The following HERC3 variants were observed in gnomAD, a reference collection of about 807,000 sequenced individuals.
The protein encoded by HERC3 is probable E3 ubiquitin-protein ligase HERC3.
A neutral mutation model predicts 129.9 loss-of-function variants in HERC3; 58 were observed. The observed-to-expected ratio is 0.45, with a 90% confidence interval of 0.36 to 0.56. HERC3 has a LOEUF of 0.56. Ranked by LOEUF, HERC3 falls within the 20% of genes least tolerant of loss-of-function variation. The pLI is 0.00. For synonymous variants in HERC3, 430 were observed against 451.0 expected (o/e 0.95, Z 0.59); for missense variants, 835 against 1,244.2 (o/e 0.67, Z 4.95).
intron 23 of HERC3, chr4:88,693,501 A>AT (rs1734282731): frequency 1.0e-6 from 1 of 975,202 alleles, no homozygotes; most frequent in Non-Finnish European, 1.2e-6. Flanking sequence ...GTATTGATCT[A>AT]TTTTACTGCT....
Position 88,667,901 on chromosome 4 carries a change from A to G in HERC3, c.1453A>G (p.Ser485Gly). 6.2e-7 allele frequency: 1 copy of G among 1,609,686 alleles called. No individual in the cohort carries two copies. The highest frequency in any genetic ancestry group is 8.5e-7 in the Non-Finnish European group (1 of 1,177,776). Reference sequence around the variant, plus strand: ...CTTTTCCCTCATACAGATTTTGAACAGTTTTGAAAGTTGTCTGATTCCCCA... The same window carrying G: ...CTTTTCCCTCATACAGATTTTGAACGGTTTTGAAAGTTGTCTGATTCCCCA... ...HSMILEQILN[S>G]FESCLIPQLS... The change falls in exon 14 of 26, where the codon AGT becomes GGT. Residue 485 changes from serine to glycine, a missense_variant. Physicochemically the swap from Ser to Gly is moderately conservative, Grantham distance 56 (BLOSUM62 0). Transcript: ENST00000402738.
intron 2 of HERC3, among the ~76,000 whole-genome samples, chr4:88,599,815 C>G (rs1722786610): frequency 1.3e-5 from 2 of 152,112 alleles, no homozygotes; most frequent in Admixed American, 6.5e-5. Flanking sequence ...TCTGATCCAC[C>G]CATCCACTTT....
chr4:88,676,154 T>C lies in HERC3; in HGVS notation c.1912-64T>C, dbSNP rs1732141155. 3 of 1,201,682 alleles carry C rather than the reference T, an allele frequency of 2.5e-6. No individual in the cohort carries two copies. In the African/African-American group the frequency reaches 4.6e-5, roughly 18 times the overall value. 74.4% of individuals were successfully genotyped at this position (1,201,682 alleles called of 1,614,324 possible). On this transcript the variant is annotated intron_variant, in intron 16 of 25. Transcript: ENST00000402738. ...GTGTTTTGTTATTTATATTTTACTT[T>C]TGGAGGGATTAAAATTCAGGGTTTA... is the stretch of plus-strand genomic sequence containing the variant.
intron 3 of HERC3, among the ~76,000 whole-genome samples, chr4:88,621,528 GA>G: frequency 6.6e-6 from 1 of 152,100 alleles, no homozygotes; most frequent in Non-Finnish European, 1.5e-5. Context: ...CTATTTTATA[GA>G]ATTATTTTCC....
rs1419201173 is a variant in HERC3, at chr4:88,636,356, G to A, written c.227-13484G>A. Among the ~76,000 whole-genome samples the A allele has an allele frequency of 3.3e-5, 5 of 152,178 alleles. No homozygotes were observed. In the South Asian group the frequency reaches 1.0e-3, roughly 32 times the overall value. ...AGCAGGGGTTGCAATCCTAGTCTCT[G>A]ACAGAACAGACTTTAAACCAACCAA... On this transcript the variant is annotated intron_variant, in intron 3 of 25. Coordinates refer to ENST00000402738, the MANE Select transcript of HERC3 (RefSeq NM_014606.3).
intron 11 of HERC3, among the ~76,000 whole-genome samples, chr4:88,663,853 G>A (rs566049092): frequency 1.3e-5 from 2 of 152,222 alleles, no homozygotes; most frequent in African/African-American, 2.4e-5. Flanking sequence ...TTTAGATAGG[G>A]CACTTCTTAG....
At chr4:88,643,202 G>GA (rs1252614170) in intron 3 of HERC3, among the ~76,000 whole-genome samples, 1 of 152,140 alleles carries the variant, frequency 6.6e-6, no homozygotes, top group African/African-American at 2.4e-5. Context: ...TTTATATGCT[G>GA]AAAACTACAA....
intron 23 of HERC3, among the ~76,000 whole-genome samples, chr4:88,702,969 G>T (rs1417124415): frequency 2.2e-4 from 33 of 152,186 alleles, no homozygotes; most frequent in Non-Finnish European, 2.9e-5. Context: ...CCTCTTATCT[G>T]CAATAAGCAG....
chr4:88,527,889 G>A, the HERC3 span: 1 of 286,940 alleles, frequency 3.5e-6, no homozygotes, highest in Non-Finnish European at 7.0e-6. Flanking sequence ...ATTACCACTG[G>A]GACAACAGCA....
chr4:88,647,766 T>C (rs1728852131), intron 3 of HERC3, among the ~76,000 whole-genome samples: 1 of 152,052 alleles, frequency 6.6e-6, no homozygotes, highest in African/African-American at 2.4e-5. Flanking sequence ...GCCTCACCTG[T>C]CCTTATCTTG....
At chr4:88,650,969 TAAGAGGAC>T (rs1729211235) in intron 4 of HERC3, among the ~76,000 whole-genome samples, 1 of 152,206 alleles carries the variant, frequency 6.6e-6, no homozygotes, top group Non-Finnish European at 1.5e-5. Context: ...TTGTGTTAAA[TAAGAGGAC>T]CATGGAGGTA....
the HERC3 span, among the ~76,000 whole-genome samples, chr4:88,544,568 G>A: frequency 6.6e-6 from 1 of 152,084 alleles, no homozygotes; most frequent in Admixed American, 6.5e-5. Flanking sequence ...CCCATTACTG[G>A]GTATATACTC....
At chr4:88,676,502 A>T in intron 18 of HERC3, 79 bp downstream of exon 18, 1 of 965,706 alleles carries the variant, frequency 1.0e-6, no homozygotes, top group East Asian at 2.5e-5. Flanking sequence ...TTTTTCTAGT[A>T]GGAGAAAACA....
the HERC3 span, among the ~76,000 whole-genome samples, chr4:88,542,150 A>G: frequency 4.6e-5 from 7 of 152,230 alleles, no homozygotes; most frequent in Non-Finnish European, 1.0e-4. Flanking sequence ...AAATCAATCC[A>G]GGAGCTAGTT....
At chr4:88,534,109 A>G in the HERC3 span, among the ~76,000 whole-genome samples, 1 of 152,176 alleles carries the variant, frequency 6.6e-6, no homozygotes, top group Non-Finnish European at 1.5e-5. Flanking sequence ...GCAAATTCTG[A>G]CTCATTATGA....
chr4:88,546,157 A>G, the HERC3 span, among the ~76,000 whole-genome samples: 2 of 152,196 alleles, frequency 1.3e-5, no homozygotes, highest in South Asian at 2.1e-4. Context: ...GTAAATTCAT[A>G]TGGATTGGTG....
the HERC3 span, among the ~76,000 whole-genome samples, chr4:88,536,435 G>A: frequency 6.6e-6 from 1 of 152,068 alleles, no homozygotes; most frequent in South Asian, 2.1e-4. Context: ...GTATACAACA[G>A]TAAACTACCC....
At chr4:88,660,288 A>C (rs1239726954) in intron 10 of HERC3, among the ~76,000 whole-genome samples, 1 of 149,638 alleles carries the variant, frequency 6.7e-6, no homozygotes, top group Non-Finnish European at 1.5e-5. Flanking sequence ...TGCAACCTCC[A>C]CCTCCTGGTT....
At chr4:88,565,270 T>C in the HERC3 span, among the ~76,000 whole-genome samples, 1 of 152,144 alleles carries the variant, frequency 6.6e-6, no homozygotes, top group Non-Finnish European at 1.5e-5. Context: ...ACAGTAGGAT[T>C]AAGTCCAATG....
Sources: gnomAD v4.1 joint callset for allele counts (sites outside exome capture counted in the v4.1 genomes callset) on GRCh38, gnomAD v4.1.1 for gene constraint, MANE v1.5 for transcripts, NCBI Gene and HGNC (gene_info 2026-07-23, HGNC 2026-07-21) for gene names.